The following XG variants were observed in gnomAD, a reference collection of about 807,000 sequenced individuals.
XG encodes the protein Xg glycoprotein (Xg blood group).
Under a neutral mutation model 25.7 loss-of-function variants are expected in XG, and 24 were observed. The observed-to-expected ratio is 0.93, with a 90% confidence interval of 0.68 to 1.31. XG has a LOEUF of 1.31. Ranked by LOEUF, XG falls within the 40% of genes most tolerant of loss-of-function variation. The pLI, the probability that XG is intolerant of heterozygous loss-of-function variation, is 0.00. For synonymous variants in XG, 77 were observed against 69.2 expected, an observed-to-expected ratio of 1.11 and a Z score of -0.56; for missense variants, 181 against 187.6, an observed-to-expected ratio of 0.96 and a Z score of 0.21.
At chrX:2,783,696 C>T (rs2086754479) in intron 4 of XG, among the ~76,000 whole-genome samples, 1 of 112,704 alleles carries the variant, frequency 8.9e-6, no homozygotes, top group Non-Finnish European at 1.9e-5. Context: ...CACCTCAGGC[C>T]GGGCGTGGGG....
chrX:2,754,149 A>C (rs1000481837), intron 1 of XG, among the ~76,000 whole-genome samples: 6 of 151,952 alleles, frequency 3.9e-5, no homozygotes, highest in African/African-American at 1.2e-4. Context: ...CCTAGACTGG[A>C]GTGCGGTGGT....
intron 7 of XG, among the ~76,000 whole-genome samples, chrX:2,799,432 A>G (rs1476301675): frequency 9.0e-6 from 1 of 111,724 alleles, no homozygotes; most frequent in Non-Finnish European, 1.9e-5. Flanking sequence ...TAAAGGGGAA[A>G]GGGTGGGGGT....
chrX:2,801,740 G>T (rs1427327605), intron 7 of XG, among the ~76,000 whole-genome samples: 1 of 110,328 alleles, frequency 9.1e-6, no homozygotes, highest in Non-Finnish European at 1.9e-5. Flanking sequence ...ACGGAGTCTC[G>T]CTCTGTCGCC....
intron 8 of XG, among the ~76,000 whole-genome samples, chrX:2,807,645 G>A (rs111213465): frequency 9.7e-5 from 11 of 112,851 alleles, no homozygotes; most frequent in African/African-American, 3.5e-4. Context: ...GGATGTGCAT[G>A]TGTGTGGATG....
chrX:2,759,008 CTA>C (rs2050499332), intron 1 of XG, among the ~76,000 whole-genome samples: 1 of 128,834 alleles, frequency 7.8e-6, no homozygotes, highest in African/African-American at 2.9e-5. Flanking sequence ...TATTACCTAT[CTA>C]TGTATCTATG....
At chrX:2,756,487 G>T (rs1412897627) in intron 1 of XG, among the ~76,000 whole-genome samples, 2 of 152,136 alleles carry the variant, frequency 1.3e-5, no homozygotes, top group African/African-American at 4.8e-5. Flanking sequence ...ATTTAAGGTG[G>T]ATGGATATCC....
intron 1 of XG, among the ~76,000 whole-genome samples, chrX:2,755,632 T>C (rs2124392867): frequency 6.6e-6 from 1 of 152,240 alleles, no homozygotes; most frequent in East Asian, 1.9e-4. Context: ...GTCGCTCTGG[T>C]TCCAGTGCCT....
At chrX:2,776,648 G>C (rs2050999010) in intron 3 of XG, among the ~76,000 whole-genome samples, 2 of 152,028 alleles carry the variant, frequency 1.3e-5, no homozygotes, top group South Asian at 4.2e-4. Context: ...GTAAAAACCA[G>C]GTTGGGCATT....
chrX:2,810,218 C>G lies in XG; in HGVS notation c.455-1118C>G, dbSNP rs183107529. ...TATTGGCCCAGGTGTTCAACCCTGTCTGAAGAAAGCCATGCATGGAAAGGG... is the reference window on the plus strand; with the variant it reads ...TATTGGCCCAGGTGTTCAACCCTGTGTGAAGAAAGCCATGCATGGAAAGGG... On this transcript the variant is annotated intron_variant, in intron 9 of 10. Coordinates refer to ENST00000644266, the MANE Select transcript of XG (RefSeq NM_001141919.2). Among the ~76,000 whole-genome samples the G allele has an allele frequency of 8.0e-5, 9 of 112,289 alleles. No individual in the cohort carries two copies. The East Asian group carries it at 2.5e-3, about 31-fold the overall frequency.
chrX:2,813,434 G>A (rs1250848111), intron 10 of XG, among the ~76,000 whole-genome samples: 1 of 112,319 alleles, frequency 8.9e-6, no homozygotes, highest in Non-Finnish European at 1.9e-5. Flanking sequence ...AGAGCTCTGC[G>A]AACTTGACTC....
At position 2,768,261 on chromosome X, in the gene XG, A is replaced by C. The variant is rs186513722; in HGVS notation, c.62-2289A>C. 3.2e-4 allele frequency among the ~76,000 whole-genome samples: 49 copies of C among 152,258 alleles called. 1 individual carries two copies. In the East Asian group the frequency reaches 9.1e-3, roughly 28 times the overall value. ...TTGCTGGGATGGGCGGAGACATAAC[A>C]CAGTGAAAGATATTGGTCAACGGCG... On this transcript the variant is annotated intron_variant, in intron 1 of 10. Coordinates refer to ENST00000644266, the MANE Select transcript of XG (RefSeq NM_001141919.2).
chrX:2,787,635 G>C (rs1366034240), intron 4 of XG, among the ~76,000 whole-genome samples: 1 of 111,190 alleles, frequency 9.0e-6, no homozygotes, highest in Non-Finnish European at 1.9e-5. Flanking sequence ...GGCTGGGCGT[G>C]GTGGCTCATG....
intron 7 of XG, among the ~76,000 whole-genome samples, chrX:2,800,805 T>C (rs926316696): frequency 9.1e-6 from 1 of 110,087 alleles, no homozygotes; most frequent in African/African-American, 3.3e-5. Context: ...CTGGGCAAAA[T>C]AGTGAAACCC....
chrX:2,782,275 G>T (rs2086737253), intron 4 of XG, 147 bp downstream of exon 4: 3 of 664,957 alleles, frequency 4.5e-6, no homozygotes, highest in Non-Finnish European at 6.9e-6. Flanking sequence ...CTCACTGGGG[G>T]GAGCAAGAAA....
chrX:2,770,745 A>G (rs1368876963), intron 2 of XG, among the ~76,000 whole-genome samples, 154 bp downstream of exon 2: 5 of 152,114 alleles, frequency 3.3e-5, no homozygotes, highest in African/African-American at 1.2e-4. Flanking sequence ...ACACCTTGAG[A>G]CAAACCTTTA....
At chrX:2,792,531 CTTTT>C (rs748995770) in intron 5 of XG, among the ~76,000 whole-genome samples, 17 of 80,494 alleles carry the variant, frequency 2.1e-4, no homozygotes, top group Non-Finnish European at 2.9e-4. Flanking sequence ...CTTTTTCTTT[CTTTT>C]TCTTTTTCTT....
At chrX:2,801,912 T>A (rs377739763) in intron 7 of XG, among the ~76,000 whole-genome samples, 1 of 110,101 alleles carries the variant, frequency 9.1e-6, no homozygotes, top group Non-Finnish European at 1.9e-5. Context: ...TTTCACCGTG[T>A]TAGCCAGGAT....
At position 2,767,560 on chromosome X, in the gene XG, A is replaced by G. The variant is rs183578401; in HGVS notation, c.62-2990A>G. The stretch of plus-strand genomic sequence containing the variant: ...CCGTCTTATGTTCCCAGTGGAAAAT[A>G]AACCCCGTGAAAGCAATGGCGTCAT... On this transcript the variant is annotated intron_variant, in intron 1 of 10. Coordinates refer to ENST00000644266, the MANE Select transcript of XG (RefSeq NM_001141919.2). 1.2e-3 allele frequency among the ~76,000 whole-genome samples: 186 copies of G among 152,302 alleles called. 1 individual carries two copies. Among genetic ancestry groups the G allele is most frequent in the Non-Finnish European group, 2.3e-3 (156 of 68,028 alleles).
chrX:2,754,999 C>T (rs373631718), intron 1 of XG, among the ~76,000 whole-genome samples: 2 of 152,156 alleles, frequency 1.3e-5, no homozygotes, highest in Non-Finnish European at 1.5e-5. Flanking sequence ...CGGGGGCAGC[C>T]GGCAGCGGAA....
Sources: allele counts gnomAD v4.1 joint callset (sites outside exome capture counted in the v4.1 genomes callset), GRCh38; gene constraint gnomAD v4.1.1; transcripts MANE v1.5; gene names NCBI Gene and HGNC (gene_info 2026-07-23, HGNC 2026-07-21).